Variants in TUSC3 observed in about 807,000 individuals in gnomAD.
TUSC3 encodes dolichyl-diphosphooligosaccharide--protein glycosyltransferase subunit TUSC3.
TUSC3 carries 45 observed loss-of-function variants against 44.8 expected under a neutral mutation model. That is an observed-to-expected ratio of 1.00 (90% CI 0.79 to 1.29). The LOEUF is 1.29. TUSC3 is among the 50% of genes most tolerant of loss of function. The probability of loss-of-function intolerance (pLI) is 0.00; values close to 1 mark genes in which losing one functional copy is unlikely to be tolerated. For synonymous variants in TUSC3, 212 were observed against 152.9 expected, an observed-to-expected ratio of 1.39 and a Z score of -2.85; for missense variants, 519 against 437.9, an observed-to-expected ratio of 1.19 and a Z score of -1.65.
At chr8:15,825,915 A>C in the TUSC3 span, among the ~76,000 whole-genome samples, 1 of 148,982 alleles carries the variant, frequency 6.7e-6, no homozygotes, top group Non-Finnish European at 1.5e-5. Flanking sequence ...TTAACTCTTC[A>C]AACAAGAAGC....
At chr8:15,696,649 G>C (rs769403344) in intron 6 of TUSC3, among the ~76,000 whole-genome samples, 5 of 152,186 alleles carry the variant, frequency 3.3e-5, no homozygotes, top group Non-Finnish European at 7.3e-5. Flanking sequence ...TTGATCATCT[G>C]TTCAGGTGGA....
At chr8:15,844,152 T>C in the TUSC3 span, among the ~76,000 whole-genome samples, 1 of 152,038 alleles carries the variant, frequency 6.6e-6, no homozygotes, top group African/African-American at 2.4e-5. Context: ...ACAAACAATT[T>C]TAATGAAGGG....
At chr8:15,488,300 C>G (rs1257168363) in intron 2 of TUSC3, among the ~76,000 whole-genome samples, 1 of 151,214 alleles carries the variant, frequency 6.6e-6, no homozygotes, top group South Asian at 2.1e-4. Context: ...AGCCCAGGAC[C>G]AGCCTGAACA....
At chr8:15,787,754 G>C in the TUSC3 span, among the ~76,000 whole-genome samples, 1 of 152,162 alleles carries the variant, frequency 6.6e-6, no homozygotes, top group Admixed American at 6.5e-5. Context: ...ATTCTAGATT[G>C]AAAGTGTCCG....
At chr8:15,648,969 C>CA (rs1001999099) in intron 2 of TUSC3, among the ~76,000 whole-genome samples, 3 of 151,988 alleles carry the variant, frequency 2.0e-5, no homozygotes, top group African/African-American at 7.2e-5. Flanking sequence ...CCAGGAGTCT[C>CA]ATGTCTTCTG....
chr8:15,754,160 A>G (rs1811823456), intron 9 of TUSC3, among the ~76,000 whole-genome samples: 1 of 152,104 alleles, frequency 6.6e-6, no homozygotes, highest in Admixed American at 6.6e-5. Context: ...GGAAAGAATT[A>G]TTCTAGAAAG....
intron 2 of TUSC3, among the ~76,000 whole-genome samples, chr8:15,524,662 A>G (rs1457769873): frequency 6.6e-6 from 1 of 152,186 alleles, no homozygotes; most frequent in Non-Finnish European, 1.5e-5. Context: ...GCAGGTAGCT[A>G]AAGATAAAAA....
In TUSC3 at chr8:15,742,947, T is replaced by C. The variant is rs193111011; in HGVS notation, c.863-591T>C. Among the ~76,000 whole-genome samples, 6 of 152,358 alleles carry C rather than the reference T, an allele frequency of 3.9e-5. No individual in the cohort carries two copies. The South Asian group carries it at 6.2e-4, about 16-fold the overall frequency. ...CAGGTGTTAAAAACAAGTAATTTTG[T>C]GATCTCATTCTTAAGGTATCAGTTA... On this transcript the variant is annotated intron_variant, in intron 7 of 10. Transcript: ENST00000503731.
intron 1 of TUSC3, among the ~76,000 whole-genome samples, chr8:15,571,798 C>T (rs1260158419): frequency 6.6e-6 from 1 of 152,130 alleles, no homozygotes; most frequent in Non-Finnish European, 1.5e-5. Context: ...ATGCAGCGTT[C>T]TTTCTCCATC....
intron 2 of TUSC3, among the ~76,000 whole-genome samples, chr8:15,504,270 T>C (rs1467267914): frequency 3.9e-5 from 6 of 151,978 alleles, no homozygotes; most frequent in African/African-American, 9.7e-5. Flanking sequence ...TCGCTGGAGA[T>C]CCTACCTCAT....
intron 1 of TUSC3, among the ~76,000 whole-genome samples, chr8:15,473,999 A>C (rs967819966): frequency 6.6e-6 from 1 of 152,130 alleles, no homozygotes; most frequent in African/African-American, 2.4e-5. Context: ...TCAACCACTT[A>C]AGACCGGCAC....
At chr8:15,444,673 G>A (rs1800067470) in intron 1 of TUSC3, among the ~76,000 whole-genome samples, 1 of 152,096 alleles carries the variant, frequency 6.6e-6, no homozygotes, top group South Asian at 2.1e-4. Context: ...TACAGCAGAG[G>A]CTGACTAGAA....
intron 2 of TUSC3, among the ~76,000 whole-genome samples, chr8:15,641,205 G>C (rs945367678): frequency 1.3e-5 from 2 of 151,356 alleles, no homozygotes; most frequent in South Asian, 4.2e-4. Context: ...ACCAGAAATA[G>C]AGAAAATTAG....
chr8:15,704,429 G>A (rs539055302), intron 6 of TUSC3, among the ~76,000 whole-genome samples: 36 of 151,946 alleles, frequency 2.4e-4, no homozygotes, highest in African/African-American at 8.4e-4. Context: ...TAGGGACCTT[G>A]AATTTTAATC....
At chr8:15,567,904 A>G (rs1802734805) in intron 1 of TUSC3, among the ~76,000 whole-genome samples, 1 of 152,198 alleles carries the variant, frequency 6.6e-6, no homozygotes, top group African/African-American at 2.4e-5. Flanking sequence ...GTTGGTAATG[A>G]AAGACACATT....
intron 1 of TUSC3, among the ~76,000 whole-genome samples, chr8:15,481,491 C>T (rs2129124410): frequency 6.6e-6 from 1 of 152,122 alleles, no homozygotes; most frequent in Admixed American, 6.5e-5. Flanking sequence ...AATCTTGCAC[C>T]TCTCAGCCTC....
At position 15,423,969 on chromosome 8, in the gene TUSC3, G is replaced by GTTTTTGTTTTGTTTTTTTTTTTTTTTTT. The variant is rs1563247134; in HGVS notation, n.91+6669_91+6670insGTTTTGTTTTTTTTTTTTTTTTTTTTTT. Among the ~76,000 whole-genome samples the GTTTTTGTTTTGTTTTTTTTTTTTTTTTT allele has an allele frequency of 5.7e-5, 4 of 70,362 alleles. 1 individual carries two copies. Among genetic ancestry groups the GTTTTTGTTTTGTTTTTTTTTTTTTTTTT allele is most frequent in the African/African-American group, 1.6e-4 (4 of 24,460 alleles). 46.2% of individuals were successfully genotyped at this position (70,362 alleles called of 152,430 possible). Reference sequence around the variant, plus strand: ...TACAGCATTCATACTGTTTTGCTTTGTTTTTTTTTTTTTTTTTTTTTTTTT... The same window carrying GTTTTTGTTTTGTTTTTTTTTTTTTTTTT: ...TACAGCATTCATACTGTTTTGCTTTGTTTTTGTTTTGTTTTTTTTTTTTTTTTTTTTTTTTTTTTTTTTTTTTTTTTTT... On this transcript the variant is annotated intron_variant and non_coding_transcript_variant, in intron 1 of 5. Coordinates refer to the TUSC3 transcript ENST00000503191.
intron 1 of TUSC3, among the ~76,000 whole-genome samples, chr8:15,615,546 C>T (rs959504853): frequency 1.3e-5 from 2 of 152,012 alleles, no homozygotes; most frequent in Non-Finnish European, 2.9e-5. Flanking sequence ...TTCTAATGTT[C>T]TATAAGCAGT....
intron 5 of TUSC3, among the ~76,000 whole-genome samples, chr8:15,666,295 A>AAAGCATCATTAAAATAATGTAAT (rs1262276327): frequency 6.6e-6 from 1 of 151,568 alleles, no homozygotes; most frequent in Admixed American, 6.6e-5. Flanking sequence ...CATGAAAGAT[A>AAAGCATCATTAAAATAATGTAAT]AAGCATCATT....
Sources: allele counts gnomAD v4.1 joint callset (sites outside exome capture counted in the v4.1 genomes callset), GRCh38; gene constraint gnomAD v4.1.1; transcripts MANE v1.5; gene names NCBI Gene and HGNC (gene_info 2026-07-23, HGNC 2026-07-21).